The following DCN variants were observed in gnomAD, a reference collection of about 807,000 sequenced individuals.
The protein encoded by DCN is decorin.
A neutral mutation model predicts 36.5 loss-of-function variants in DCN; 17 were observed. The observed-to-expected ratio is 0.47, with a 90% CI of 0.32 to 0.70. The LOEUF (loss-of-function observed/expected upper bound fraction) is 0.70. Among genes scored for constraint, DCN ranks in the 30% least tolerant of loss-of-function variants. The pLI is 0.04. For missense variants in DCN, 389 were observed against 430.1 expected (o/e 0.90, Z 0.84); for synonymous variants, 163 against 161.4 (o/e 1.01, Z -0.07).
Position 91,178,328 on chromosome 12 carries a change from T to G in DCN, c.211+14A>C. 1 of 1,608,624 alleles carries G rather than the reference T, an allele frequency of 6.2e-7. No individual in the cohort carries two copies. The highest frequency in any genetic ancestry group is 8.5e-7 in the Non-Finnish European group (1 of 1,175,532). On this transcript the variant is annotated intron_variant, in intron 2 of 7. Transcript: ENST00000052754. ...ACAAGTAAGGTAGGTAAAGAGAAAC[T>G]GCATCCCACTCACCCAAATCAGAAC...
rs1592671543 is a variant in DCN, at chr12:91,141,427, C to G, written c.*4631G>C. The G allele has an allele frequency of 6.6e-6, 1 of 152,064 alleles. No individual in the cohort carries two copies. Among genetic ancestry groups the G allele is most frequent in the Admixed American group, 6.6e-5 (1 of 15,252 alleles). The allele number at this position is 152,064 out of a possible 1,614,324, so 9.4% of individuals were successfully genotyped here. On this transcript the variant is annotated 3_prime_UTR_variant, in exon 8 of 8. Transcript: ENST00000052754. The stretch of plus-strand genomic sequence containing the variant: ...CTGATAAGTCCTTTTTCCGACCATC[C>G]TATATAAAATAGCAAGTCTCACCCC...
At chr12:91,161,185 G>C (rs965897881) in intron 3 of DCN, among the ~76,000 whole-genome samples, 2 of 152,164 alleles carry the variant, frequency 1.3e-5, no homozygotes, top group Non-Finnish European at 2.9e-5. Context: ...GAAAGAAAGA[G>C]ATTGTCAAGA....
chr12:91,170,683 C>G (rs1342439788), intron 2 of DCN, among the ~76,000 whole-genome samples: 1 of 152,126 alleles, frequency 6.6e-6, no homozygotes, highest in Non-Finnish European at 1.5e-5. Context: ...CAGAATGGCT[C>G]GGGTTAAAAT....
chr12:91,155,851 T>C (rs1286624580), intron 5 of DCN, among the ~76,000 whole-genome samples: 1 of 152,176 alleles, frequency 6.6e-6, no homozygotes, highest in East Asian at 1.9e-4. Context: ...ATGCTCTGTA[T>C]TCAAAAGACT....
chr12:91,156,486 T>C (rs3138248), intron 5 of DCN, among the ~76,000 whole-genome samples: 2,108 of 152,212 alleles, frequency 0.014, 48 homozygotes, highest in African/African-American at 0.047. Flanking sequence ...AGAGGACAAA[T>C]GAATAACTTT....
intron 2 of DCN, chr12:91,172,992 G>A: frequency 4.6e-6 from 2 of 435,354 alleles, no homozygotes; most frequent in Non-Finnish European, 8.0e-6. Flanking sequence ...AAAAAAGGCA[G>A]AAGTAGGCAA....
intron 3 of DCN, among the ~76,000 whole-genome samples, chr12:91,159,633 G>A (rs954944824): frequency 4.6e-5 from 7 of 151,250 alleles, no homozygotes; most frequent in Admixed American, 2.6e-4. Flanking sequence ...TGACAAATAC[G>A]TTAATATTTT....
rs1326035058 is a variant in DCN, at chr12:91,146,159, C to T, written c.979G>A (p.Val327Met). ...HNTKKASYSG[V>M]SLFSNPVQYW... ...TGGACCGGGTTGCTGAAAAGACTCA[C>T]ACCCGAATAAGAAGCCTTTTTGGTG... Residue 327 changes from valine to methionine, a missense_variant, in exon 8 of 8, where the codon GTG becomes ATG. Transcript: ENST00000052754. The T allele has an allele frequency of 1.9e-6, 3 of 1,613,482 alleles. No individual in the cohort carries two copies. Among genetic ancestry groups the T allele is most frequent in the Non-Finnish European group, 2.5e-6 (3 of 1,179,524 alleles).
chr12:91,145,875 G>A lies in DCN; in HGVS notation c.*183C>T. On this transcript the variant is annotated 3_prime_UTR_variant, in exon 8 of 8. Transcript: ENST00000052754. ...TCAAAAGATGATTCTGAAAATGGCAGGCAAAATTTCTTTTTATTGTAGGCA... is the reference window on the plus strand; with the variant it reads ...TCAAAAGATGATTCTGAAAATGGCAAGCAAAATTTCTTTTTATTGTAGGCA... 1.7e-6 allele frequency: 1 copy of A among 590,188 alleles called. No individual in the cohort carries two copies. The highest frequency in any genetic ancestry group is 3.0e-5 in the Admixed American group (1 of 33,434). The allele number at this position is 590,188 out of a possible 1,614,324, so 36.6% of individuals were successfully genotyped here.
rs1343632564 is a variant in DCN at position 91,141,971 on chromosome 12, G to C, written c.*4087C>G. ...TGAAGGTTGTTTTAGTTTCCTGAATGCGTATGCTTGTATATGGTTTTAATA... is the reference window on the plus strand; with the variant it reads ...TGAAGGTTGTTTTAGTTTCCTGAATCCGTATGCTTGTATATGGTTTTAATA... On this transcript the variant is annotated 3_prime_UTR_variant, in exon 8 of 8. Transcript: ENST00000052754. 2 of 152,168 alleles carry C rather than the reference G, an allele frequency of 1.3e-5. No individual in the cohort carries two copies. Among genetic ancestry groups the C allele is most frequent in the Non-Finnish European group, 2.9e-5 (2 of 68,028 alleles). The allele number at this position is 152,168 out of a possible 1,614,324, so 9.4% of individuals were successfully genotyped here.
chr12:91,147,163 C>T (rs1305934050), intron 7 of DCN, among the ~76,000 whole-genome samples: 1 of 152,216 alleles, frequency 6.6e-6, no homozygotes, highest in Admixed American at 6.5e-5. Context: ...CATCCTTCTA[C>T]TCTGACCTCC....
intron 1 of DCN, among the ~76,000 whole-genome samples, chr12:91,178,886 T>C (rs767074015): frequency 6.6e-5 from 10 of 152,148 alleles, no homozygotes; most frequent in Non-Finnish European, 1.2e-4. Context: ...ATTGTCATGG[T>C]AATAAATCAT....
chr12:91,158,215 C>G (rs1029551464), intron 4 of DCN, 81 bp downstream of exon 4: 2 of 885,288 alleles, frequency 2.3e-6, no homozygotes, highest in African/African-American at 1.7e-5. Flanking sequence ...GCTAATTTAC[C>G]TTCCTGCACT....
intron 2 of DCN, chr12:91,177,272 T>C: frequency 2.7e-6 from 1 of 376,072 alleles, no homozygotes; most frequent in Non-Finnish European, 4.8e-6. Flanking sequence ...GAATATACTT[T>C]ATATTTTTTC....
At position 91,164,585 on chromosome 12, in the gene DCN, T is replaced by TA. The variant is rs575105909; in HGVS notation, c.324+19dup. The TA allele has an allele frequency of 3.3e-4, 443 of 1,333,036 alleles. No homozygotes were observed. Among genetic ancestry groups the TA allele is most frequent in the Non-Finnish European group, 4.2e-4 (394 of 928,662 alleles). 82.6% of individuals were successfully genotyped at this position (1,333,036 alleles called of 1,614,324 possible). A position where few individuals can be genotyped will look rare whatever the true frequency, so the allele number is the denominator to read the frequency against. On this transcript the variant is annotated intron_variant, in intron 3 of 7. Coordinates refer to ENST00000052754, the MANE Select transcript of DCN (RefSeq NM_001920.5). ...CCTTGAGTCTTATCTTATTGTGAGT[T>TA]AAAAAAAAATAGTTCTTACGTGAAG...
At chr12:91,153,324 CT>C (rs917422911) in intron 5 of DCN, 135 bp from the exon 6 acceptor site, 123 of 654,092 alleles carry the variant, frequency 1.9e-4, no homozygotes, top group East Asian at 2.3e-4. Context: ...TTACTTTTAT[CT>C]TTTTTTTTCA....
intron 6 of DCN, 141 bp downstream of exon 6, chr12:91,152,955 A>G: frequency 1.6e-6 from 1 of 639,614 alleles, no homozygotes. Context: ...GGATATGCTG[A>G]AGTTTGAGAT....
intron 7 of DCN, among the ~76,000 whole-genome samples, chr12:91,148,346 T>A (rs943813305): frequency 6.6e-6 from 1 of 152,098 alleles, no homozygotes; most frequent in African/African-American, 2.4e-5. Flanking sequence ...GTGCTGGGAT[T>A]ACTGGCATGA....
rs865777801 is a variant in DCN at position 91,153,126 on chromosome 12, G to T, written c.716C>A (p.Ala239Asp). 6.2e-7 allele frequency: 1 copy of T among 1,608,334 alleles called. No homozygotes were observed. Among genetic ancestry groups the T allele is most frequent in the Non-Finnish European group, 8.5e-7 (1 of 1,174,860 alleles). The change falls in exon 6 of 8, where the codon GCT becomes GAT. Residue 239 changes from alanine (A) to aspartate (D), a missense_variant. Coordinates refer to ENST00000052754, the MANE Select transcript of DCN (RefSeq NM_001920.5). ...CAAATTATTCAGTCCTTTCAGGCTA[G>T]CTGCATCAACTCTGCTGATTTTGTT... Reference protein sequence around the residue: ...DGNKISRVDAASLKGLNNLAK... With the variant: ...DGNKISRVDADSLKGLNNLAK...
Sources: allele counts gnomAD v4.1 joint callset (sites outside exome capture counted in the v4.1 genomes callset), GRCh38; gene constraint gnomAD v4.1.1; transcripts MANE v1.5; gene names NCBI Gene and HGNC (gene_info 2026-07-23, HGNC 2026-07-21).